CFAP77: variants seen among roughly 807,000 people sequenced by gnomAD.
The protein encoded by CFAP77 is cilia and flagella associated protein 77.
Under a neutral mutation model 31.1 loss-of-function variants are expected in CFAP77, and 25 were observed. The ratio of observed to expected loss-of-function variants is 0.80; its 90% CI spans 0.59 to 1.12. The LOEUF (loss-of-function observed/expected upper bound fraction) is 1.12. CFAP77 is among the 50% of genes most tolerant of loss of function. The probability of loss-of-function intolerance (pLI) is 0.00; values close to 1 mark genes in which losing one functional copy is unlikely to be tolerated. For missense variants in CFAP77, 377 were observed against 397.3 expected (o/e 0.95, Z 0.44); for synonymous variants, 151 against 159.9 (o/e 0.94, Z 0.42).
intron 5 of CFAP77, among the ~76,000 whole-genome samples, chr9:132,569,424 G>A (rs1356064725): frequency 1.3e-5 from 2 of 151,858 alleles, no homozygotes; most frequent in Non-Finnish European, 2.9e-5. Context: ...GGTGGTAGGG[G>A]GGAAAAGGAA....
At chr9:132,482,047 CATAA>C (rs1444205680) in intron 1 of CFAP77, among the ~76,000 whole-genome samples, 1 of 145,938 alleles carries the variant, frequency 6.9e-6, no homozygotes, top group African/African-American at 2.5e-5. Flanking sequence ...AAAATGAAAA[CATAA>C]ATAGAGTAAC....
intron 1 of CFAP77, among the ~76,000 whole-genome samples, chr9:132,477,750 A>G (rs531318): frequency 0.53 from 79,756 of 151,588 alleles, 21,619 homozygotes; most frequent in East Asian, 0.77. Flanking sequence ...GCAGGTGTCT[A>G]GGGGGTGAGT....
chr9:132,513,956 TGAG>T (rs1852092083), intron 3 of CFAP77, among the ~76,000 whole-genome samples: 3 of 130,124 alleles, frequency 2.3e-5, no homozygotes, highest in Admixed American at 1.6e-4. Flanking sequence ...CAGATGACAG[TGAG>T]GAGATCTCCC....
At chr9:132,416,043 G>A (rs1032536298) in intron 1 of CFAP77, among the ~76,000 whole-genome samples, 1 of 152,170 alleles carries the variant, frequency 6.6e-6, no homozygotes, top group African/African-American at 2.4e-5. Context: ...TGTAATGCTT[G>A]TAAAATGTGT....
intron 5 of CFAP77, among the ~76,000 whole-genome samples, chr9:132,546,545 G>C (rs771650753): frequency 1.3e-5 from 2 of 152,248 alleles, no homozygotes; most frequent in African/African-American, 4.8e-5. Flanking sequence ...GGCAGGGCGC[G>C]GCTGCTGCAC....
At chr9:132,502,263 ATATTTT>A (rs1367163605) in intron 3 of CFAP77, among the ~76,000 whole-genome samples, 2 of 103,450 alleles carry the variant, frequency 1.9e-5, no homozygotes, top group African/African-American at 7.2e-5. Context: ...ATATATATAT[ATATTTT>A]TTTTTTTTGG....
intron 3 of CFAP77, among the ~76,000 whole-genome samples, chr9:132,530,118 C>G (rs1162622921): frequency 1.8e-5 from 2 of 114,082 alleles, no homozygotes; most frequent in African/African-American, 6.7e-5. Context: ...TCTTTTGCCT[C>G]TTTTCTTTCT....
intron 5 of CFAP77, among the ~76,000 whole-genome samples, chr9:132,553,352 AG>A (rs1276833454): frequency 6.6e-6 from 1 of 152,188 alleles, no homozygotes; most frequent in African/African-American, 2.4e-5. Context: ...TTGTAATCCC[AG>A]CACTTTGCGA....
Position 132,455,259 on chromosome 9 carries a change from C to T in CFAP77, c.196-43436C>T, listed in dbSNP as rs1029450380. 6.6e-6 allele frequency among the ~76,000 whole-genome samples: 1 copy of T among 152,160 alleles called. No homozygotes were observed. Among genetic ancestry groups the T allele is most frequent in the African/African-American group, 2.4e-5 (1 of 41,422 alleles). On this transcript the variant is annotated intron_variant, in intron 1 of 5. Coordinates refer to ENST00000393216, the MANE Select transcript of CFAP77 (RefSeq NM_001282957.2). The surrounding 1 kb of genome is among the most constrained non-coding windows in gnomAD (Gnocchi z 4.1). ...CTGTGGCTTACACCTGTAATCCCAG[C>T]ACTTTGGGAGGCCGAGGCGGGTGGA... is the stretch of plus-strand genomic sequence containing the variant.
chr9:132,529,594 AG>A (rs1394783176), intron 3 of CFAP77, among the ~76,000 whole-genome samples: 1 of 151,510 alleles, frequency 6.6e-6, no homozygotes, highest in African/African-American at 2.4e-5. Flanking sequence ...TGGGAGGCCG[AG>A]GCGGACGGAT....
At chr9:132,453,465 G>A (rs1344138899) in intron 1 of CFAP77, among the ~76,000 whole-genome samples, 1 of 152,244 alleles carries the variant, frequency 6.6e-6, no homozygotes, top group Non-Finnish European at 1.5e-5. Context: ...GGCGGAGGTT[G>A]CAGTGAGCTG....
At chr9:132,440,212 C>T (rs1283750295) in intron 1 of CFAP77, among the ~76,000 whole-genome samples, 1 of 152,076 alleles carries the variant, frequency 6.6e-6, no homozygotes, top group Non-Finnish European at 1.5e-5. Context: ...TTGCACATGC[C>T]TGTAGTCCCA....
At chr9:132,418,117 T>G (rs1317041912) in intron 1 of CFAP77, among the ~76,000 whole-genome samples, 1 of 152,244 alleles carries the variant, frequency 6.6e-6, no homozygotes. Flanking sequence ...GTGGTCGGAT[T>G]CAAATGAGAT....
At chr9:132,533,033 C>T (rs1402474026) in intron 3 of CFAP77, among the ~76,000 whole-genome samples, 1 of 152,218 alleles carries the variant, frequency 6.6e-6, no homozygotes, top group Admixed American at 6.5e-5. Context: ...TCGCCTGCAC[C>T]TTCATGGGAC....
At chr9:132,484,678 C>T (rs1161634635) in intron 1 of CFAP77, among the ~76,000 whole-genome samples, 5 of 151,608 alleles carry the variant, frequency 3.3e-5, no homozygotes, top group Non-Finnish European at 5.9e-5. Flanking sequence ...TTGTGAATAA[C>T]GCTGCTATGA....
chr9:132,457,134 G>A lies in CFAP77; in HGVS notation c.196-41561G>A, dbSNP rs1259121868. Among the ~76,000 whole-genome samples, 10 of 152,190 alleles carry A rather than the reference G, an allele frequency of 6.6e-5. No homozygotes were observed. The East Asian group carries it at 1.9e-3, about 29-fold the overall frequency. On this transcript the variant is annotated intron_variant, in intron 1 of 5. Coordinates refer to ENST00000393216, the MANE Select transcript of CFAP77 (RefSeq NM_001282957.2). Reference sequence around the variant, plus strand: ...AGGAGCTGACTGAGCCCCCTAAACCGGTCACCCCCACCCCTGAAGATGAGG... The same window carrying A: ...AGGAGCTGACTGAGCCCCCTAAACCAGTCACCCCCACCCCTGAAGATGAGG...
intron 3 of CFAP77, among the ~76,000 whole-genome samples, chr9:132,534,810 T>C (rs956866704): frequency 3.3e-5 from 5 of 152,196 alleles, no homozygotes; most frequent in African/African-American, 1.2e-4. Context: ...ATATGTCATA[T>C]AGAGAGTGCT....
intron 5 of CFAP77, among the ~76,000 whole-genome samples, chr9:132,569,330 C>T (rs923084061): frequency 2.0e-5 from 3 of 151,748 alleles, no homozygotes; most frequent in Admixed American, 6.6e-5. Flanking sequence ...CCCTTGAGCC[C>T]GAGAGTTTGA....
intron 3 of CFAP77, among the ~76,000 whole-genome samples, chr9:132,520,930 T>C (rs7024484): frequency 0.44 from 67,539 of 152,130 alleles, 15,628 homozygotes; most frequent in East Asian, 0.77. Flanking sequence ...CCCCACTGCC[T>C]GGGCAGACCC....
Sources: gnomAD v4.1 joint callset for allele counts (sites outside exome capture counted in the v4.1 genomes callset) on GRCh38, gnomAD v4.1.1 for gene constraint, Gnocchi (gnomAD v3.1) non-coding constraint, MANE v1.5 for transcripts, NCBI Gene and HGNC (gene_info 2026-07-23, HGNC 2026-07-21) for gene names.